Variants in STK33 observed in about 807,000 individuals in gnomAD.
The protein encoded by STK33 is serine/threonine-protein kinase 33.
STK33 carries 52 observed loss-of-function variants against 58.0 expected under a neutral mutation model. The ratio of observed to expected loss-of-function variants is 0.90; its 90% CI spans 0.72 to 1.13. STK33 has a LOEUF of 1.13. STK33 is among the 50% of genes most tolerant of loss of function. STK33 has a pLI of 0.00. For synonymous variants in STK33, 215 were observed against 200.1 expected (o/e 1.07, Z -0.63); for missense variants, 630 against 604.2 (o/e 1.04, Z -0.45).
At chr11:8,375,790 C>T in the STK33 span, among the ~76,000 whole-genome samples, 1 of 152,146 alleles carries the variant, frequency 6.6e-6, no homozygotes, top group African/African-American at 2.4e-5. Flanking sequence ...TGCCTTGCTT[C>T]CCCTTTGCCT....
chr11:8,417,782 A>T (rs1356656225), intron 14 of STK33, among the ~76,000 whole-genome samples: 1 of 152,208 alleles, frequency 6.6e-6, no homozygotes, highest in Non-Finnish European at 1.5e-5. Context: ...TAGATAGACA[A>T]AAATTTAAGT....
intron 1 of STK33, among the ~76,000 whole-genome samples, chr11:8,511,004 T>C (rs1418472665): frequency 6.6e-6 from 1 of 152,188 alleles, no homozygotes; most frequent in East Asian, 1.9e-4. Flanking sequence ...AATTTTGGTA[T>C]TGTTTTTCTA....
chr11:8,419,872 G>T (rs999554713), intron 14 of STK33, among the ~76,000 whole-genome samples: 1 of 152,142 alleles, frequency 6.6e-6, no homozygotes, highest in Non-Finnish European at 1.5e-5. Flanking sequence ...GTTATCTTTA[G>T]TGAGAGGGAA....
intron 1 of STK33, among the ~76,000 whole-genome samples, chr11:8,495,408 A>G (rs1950980851): frequency 6.6e-6 from 1 of 152,228 alleles, no homozygotes; most frequent in East Asian, 1.9e-4. Context: ...ATACCATCTC[A>G]TGCCAGTTAG....
the STK33 span, among the ~76,000 whole-genome samples, chr11:8,378,940 G>T: frequency 6.6e-6 from 1 of 152,100 alleles, no homozygotes; most frequent in South Asian, 2.1e-4. Flanking sequence ...CAGTATAAAA[G>T]TAGACACGTA....
At chr11:8,467,207 C>G (rs1044238953) in intron 6 of STK33, 1 of 152,230 alleles carries the variant, frequency 6.6e-6, no homozygotes. Flanking sequence ...GCTTGAATTT[C>G]TCCTCAGAAA....
At chr11:8,584,110 GAAA>G (rs35914021) in intron 1 of STK33, among the ~76,000 whole-genome samples, 11 of 126,644 alleles carry the variant, frequency 8.7e-5, no homozygotes, top group Non-Finnish European at 1.2e-4. Flanking sequence ...GAATTTAGAT[GAAA>G]AAAAAAAAAA....
At chr11:8,336,047 G>A in the STK33 span, among the ~76,000 whole-genome samples, 10 of 152,192 alleles carry the variant, frequency 6.6e-5, no homozygotes, top group African/African-American at 1.9e-4. Context: ...TCTAGCTCCC[G>A]GCCTTCCTGC....
At chr11:8,485,630 TA>T (rs1950146416) in intron 1 of STK33, among the ~76,000 whole-genome samples, 1 of 152,218 alleles carries the variant, frequency 6.6e-6, no homozygotes, top group African/African-American at 2.4e-5. Flanking sequence ...AAGTTGACTA[TA>T]AAGTTGACCA....
In STK33 at chr11:8,464,763, C is replaced by A. The variant is rs1446464; in HGVS notation, c.399G>T (p.Ala133=). 647,655 of 1,609,848 alleles carry A rather than the reference C, an allele frequency of 0.4. 133,896 individuals carry two copies. Among genetic ancestry groups the A allele is most frequent in the Middle Eastern group, 0.6 (3,618 of 6,056 alleles). The change falls in exon 7 of 16, where the codon GCG becomes GCT. Residue 133 remains alanine, a synonymous_variant. Transcript: ENST00000687296. ...ACTTCGTTTCTGTTTCCTTGTCTGT[C>A]GCTTCAATGACTATTCCAAAGCTCC... ...GKGSFGIVIE[A]TDKETETKWA...
intron 1 of STK33, among the ~76,000 whole-genome samples, chr11:8,564,114 G>A (rs1957295444): frequency 6.6e-6 from 1 of 152,182 alleles, no homozygotes; most frequent in African/African-American, 2.4e-5. Context: ...TATGACTTTA[G>A]GGGCAGGATG....
intron 1 of STK33, among the ~76,000 whole-genome samples, chr11:8,514,671 T>G (rs1373475283): frequency 1.3e-5 from 2 of 152,222 alleles, no homozygotes; most frequent in African/African-American, 4.8e-5. Context: ...GACGTGATCC[T>G]GGACTGGTTA....
At chr11:8,436,822 C>T (rs1205132942) in intron 12 of STK33, among the ~76,000 whole-genome samples, 5 of 152,124 alleles carry the variant, frequency 3.3e-5, no homozygotes, top group South Asian at 2.1e-4. Context: ...CTCAGCCTCC[C>T]GAGTAGCAGG....
chr11:8,398,852 G>C (rs958101159), intron 15 of STK33, among the ~76,000 whole-genome samples: 4 of 151,150 alleles, frequency 2.6e-5, no homozygotes, highest in Non-Finnish European at 4.4e-5. Flanking sequence ...AACCAACAAA[G>C]ATCAAAAGAG....
rs372447987 is a variant in STK33, at chr11:8,398,868, G to C, written c.1345-6158C>G. ...ACCAACAAAGATCAAAAGAGACAAA[G>C]AAGGCCATTACTTAATGGTAAAGGG... On this transcript the variant is annotated intron_variant, in intron 15 of 15. Transcript: ENST00000687296. Among the ~76,000 whole-genome samples the C allele has an allele frequency of 1.1e-4, 17 of 151,606 alleles. No individual in the cohort carries two copies. In the East Asian group the frequency reaches 2.7e-3, roughly 24 times the overall value.
intron 1 of STK33, among the ~76,000 whole-genome samples, chr11:8,500,133 A>G (rs1041014446): frequency 6.6e-6 from 1 of 152,196 alleles, no homozygotes; most frequent in Non-Finnish European, 1.5e-5. Context: ...CTCTAAAATC[A>G]GGAATAAGAC....
chr11:8,378,117 G>A, the STK33 span, among the ~76,000 whole-genome samples: 71 of 152,268 alleles, frequency 4.7e-4, no homozygotes, highest in Admixed American at 9.2e-4. Flanking sequence ...TCACCATTCC[G>A]CAGGGCTAGG....
chr11:8,563,766 A>T (rs540226358), intron 1 of STK33, among the ~76,000 whole-genome samples: 7 of 152,184 alleles, frequency 4.6e-5, no homozygotes, highest in Non-Finnish European at 8.8e-5. Context: ...AATAATTACA[A>T]GAGGTATGAC....
chr11:8,374,524 A>T, the STK33 span, among the ~76,000 whole-genome samples: 95 of 152,162 alleles, frequency 6.2e-4, no homozygotes, highest in Admixed American at 3.1e-3. Flanking sequence ...AGAGAAAGAG[A>T]GAGAGAGACA....
Sources: allele counts gnomAD v4.1 joint callset (sites outside exome capture counted in the v4.1 genomes callset), GRCh38; gene constraint gnomAD v4.1.1; transcripts MANE v1.5; gene names NCBI Gene and HGNC (gene_info 2026-07-23, HGNC 2026-07-21).